The following PRKCZ variants were observed in gnomAD, a reference collection of about 807,000 sequenced individuals.
PRKCZ encodes the protein protein kinase C zeta.
Under a neutral mutation model 79.5 loss-of-function variants are expected in PRKCZ, and 33 were observed. The observed-to-expected ratio is 0.41, with a 90% CI of 0.31 to 0.55. The LOEUF (loss-of-function observed/expected upper bound fraction) is 0.55. Ranked by LOEUF, PRKCZ falls within the 20% of genes least tolerant of loss-of-function variation. The pLI is 0.19. For synonymous variants in PRKCZ, 342 were observed against 320.9 expected (o/e 1.07, Z -0.70); for missense variants, 578 against 813.5 (o/e 0.71, Z 3.52).
intron 4 of PRKCZ, among the ~76,000 whole-genome samples, chr1:2,090,043 G>T (rs1665221395): frequency 6.6e-6 from 1 of 152,086 alleles, no homozygotes; most frequent in African/African-American, 2.4e-5. Flanking sequence ...TCTTCACCCG[G>T]GCCCTTCCTC....
At position 2,082,347 on chromosome 1, in the gene PRKCZ, A is replaced by G. The variant is rs1663700489; in HGVS notation, c.334+22756A>G. ...TGGACTTGGCAAATCACCTCTTTCA[A>G]GTTGCCGGCTACCCGGCTGCCGTAG... On this transcript the variant is annotated intron_variant, in intron 4 of 17. Transcript: ENST00000378567. The surrounding 1 kb of genome is among the most constrained non-coding windows in gnomAD (Gnocchi z 4.4). 2 of 455,834 alleles carry G rather than the reference A, an allele frequency of 4.4e-6. No homozygotes were observed. Among genetic ancestry groups the G allele is most frequent in the Non-Finnish European group, 8.8e-6 (2 of 226,756 alleles). 28.2% of individuals were successfully genotyped at this position (455,834 alleles called of 1,614,324 possible). A position where few individuals can be genotyped will look rare whatever the true frequency, so the allele number is the denominator to read the frequency against.
chr1:2,145,542 A>G (rs1318893583), intron 6 of PRKCZ: 1 of 154,322 alleles, frequency 6.5e-6, no homozygotes, highest in Non-Finnish European at 1.4e-5. Context: ...CTAATTCAGT[A>G]AAATAGCATA....
At chr1:2,131,940 T>A (rs1675048734) in intron 4 of PRKCZ, among the ~76,000 whole-genome samples, 1 of 152,162 alleles carries the variant, frequency 6.6e-6, no homozygotes, top group South Asian at 2.1e-4. Context: ...GCCTCCCAAG[T>A]AGTTGGGACT....
In PRKCZ at chr1:2,052,708, G is replaced by A. The variant is rs529703115; in HGVS notation, c.71+2007G>A. 7.2e-5 allele frequency among the ~76,000 whole-genome samples: 11 copies of A among 152,270 alleles called. No individual in the cohort carries two copies. In the South Asian group the frequency reaches 2.1e-3, roughly 29 times the overall value. The stretch of plus-strand genomic sequence containing the variant: ...GACTGGCTGTGGGGTGGGACACTCA[G>A]GCCTTAGGGCAATGACACAGTTCCA... On this transcript the variant is annotated intron_variant, in intron 1 of 17. Transcript: ENST00000378567.
intron 10 of PRKCZ, among the ~76,000 whole-genome samples, chr1:2,164,439 T>TC (rs1682935238): frequency 6.6e-6 from 1 of 152,192 alleles, no homozygotes; most frequent in South Asian, 2.1e-4. Context: ...GGCTGCACAG[T>TC]CCATGTTGGG....
intron 11 of PRKCZ, chr1:2,171,726 C>T: frequency 3.3e-6 from 1 of 303,800 alleles, no homozygotes; most frequent in South Asian, 4.3e-5. Flanking sequence ...CGCTGTTCTG[C>T]ACTCCTACCA....
chr1:2,074,083 C>T (rs747369755), intron 4 of PRKCZ: 182 of 1,490,096 alleles, frequency 1.2e-4, no homozygotes, highest in Non-Finnish European at 1.5e-4. Context: ...ACAGATGCTC[C>T]GGGCAGCAAC....
At chr1:2,181,342 C>T (rs1392237261) in intron 16 of PRKCZ, among the ~76,000 whole-genome samples, 1 of 152,206 alleles carries the variant, frequency 6.6e-6, no homozygotes, top group Non-Finnish European at 1.5e-5. Flanking sequence ...GCCCTTGGGC[C>T]CCCAGCCCCA....
At chr1:2,155,133 CGATGATGGT>C (rs1277295439) in intron 9 of PRKCZ, among the ~76,000 whole-genome samples, 66 of 151,634 alleles carry the variant, frequency 4.4e-4, no homozygotes, top group African/African-American at 5.1e-4. Context: ...ATGATGGTGA[CGATGATGGT>C]GATGATGGTG....
At chr1:2,170,083 G>A (rs1274710408) in intron 11 of PRKCZ, among the ~76,000 whole-genome samples, 2 of 152,140 alleles carry the variant, frequency 1.3e-5, no homozygotes, top group Non-Finnish European at 2.9e-5. Flanking sequence ...TCTTCATGGT[G>A]GCTCTGCCCT....
At chr1:2,102,672 A>G (rs988887141) in intron 4 of PRKCZ, among the ~76,000 whole-genome samples, 9 of 151,918 alleles carry the variant, frequency 5.9e-5, no homozygotes, top group African/African-American at 1.9e-4. Context: ...GTAATGATAG[A>G]TTTCTAGAAA....
rs2803305 is a variant in PRKCZ at position 2,075,464 on chromosome 1, G to A, written c.334+15873G>A. On this transcript the variant is annotated intron_variant, in intron 4 of 17. Coordinates refer to ENST00000378567, the MANE Select transcript of PRKCZ (RefSeq NM_002744.6). The surrounding 1 kb of genome is among the most constrained non-coding windows in gnomAD (Gnocchi z 4.8). ...GTTTCGTGTTGATGCTGCCGGGGCC[G>A]GCTGTGGTACCTGTGTCTGTGTCTC... 13,697 of 152,238 alleles carry A rather than the reference G, an allele frequency of 0.09. 2,051 individuals are homozygous for A. The highest frequency in any genetic ancestry group is 0.31 in the African/African-American group (12,743 of 41,462). 9.4% of individuals were successfully genotyped at this position (152,238 alleles called of 1,614,324 possible).
At chr1:2,162,010 C>T (rs1010695218) in intron 10 of PRKCZ, among the ~76,000 whole-genome samples, 1 of 152,128 alleles carries the variant, frequency 6.6e-6, no homozygotes, top group Non-Finnish European at 1.5e-5. Context: ...CTCCAAAGAC[C>T]CTTGACTAAC....
At chr1:2,054,708 G>T (rs920603492) in intron 1 of PRKCZ, among the ~76,000 whole-genome samples, 41 of 152,286 alleles carry the variant, frequency 2.7e-4, no homozygotes, top group African/African-American at 9.6e-4. Context: ...GTCGAGGTCT[G>T]GGGGCAGGTC....
At chr1:2,147,942 C>G (rs578193909) in intron 7 of PRKCZ, among the ~76,000 whole-genome samples, 29 of 151,452 alleles carry the variant, frequency 1.9e-4, no homozygotes, top group African/African-American at 6.6e-4. Flanking sequence ...GTCTATCCAT[C>G]TATCTATTGT....
intron 8 of PRKCZ, among the ~76,000 whole-genome samples, chr1:2,150,329 T>C (rs1679629285): frequency 6.6e-6 from 1 of 152,192 alleles, no homozygotes; most frequent in South Asian, 2.1e-4. Context: ...AATAATTATT[T>C]CTAATAATGT....
intron 10 of PRKCZ, among the ~76,000 whole-genome samples, chr1:2,157,597 T>C (rs564094426): frequency 7.2e-4 from 109 of 152,106 alleles, no homozygotes; most frequent in African/African-American, 2.4e-3. Context: ...TTTGTATTTT[T>C]AGTACTCTGT....
intron 4 of PRKCZ, among the ~76,000 whole-genome samples, chr1:2,083,908 A>G (rs1386699265): frequency 1.3e-5 from 2 of 152,212 alleles, no homozygotes; most frequent in Non-Finnish European, 2.9e-5. Context: ...TTGCGCTCGA[A>G]TAGGTTTCTT....
chr1:2,082,407 T>C lies in PRKCZ; in HGVS notation c.334+22816T>C, dbSNP rs755658033. 2 of 456,208 alleles carry C rather than the reference T, an allele frequency of 4.4e-6. No homozygotes were observed. Among genetic ancestry groups the C allele is most frequent in the Non-Finnish European group, 8.8e-6 (2 of 226,970 alleles). The allele number at this position is 456,208 out of a possible 1,614,324, so 28.3% of individuals were successfully genotyped here. A position where few individuals can be genotyped will look rare whatever the true frequency, so the allele number is the denominator to read the frequency against. Reference sequence around the variant, plus strand: ...AGTCTGGTAGTTTGTGTTTATTTATTTATCTTGGCCAGCAGAGAGAATTGA... The same window carrying C: ...AGTCTGGTAGTTTGTGTTTATTTATCTATCTTGGCCAGCAGAGAGAATTGA... On this transcript the variant is annotated intron_variant, in intron 4 of 17. Transcript: ENST00000378567. The surrounding 1 kb of genome is among the most constrained non-coding windows in gnomAD (Gnocchi z 4.4).
Sources: allele counts gnomAD v4.1 joint callset (sites outside exome capture counted in the v4.1 genomes callset), GRCh38; gene constraint gnomAD v4.1.1; non-coding constraint Gnocchi (gnomAD v3.1); transcripts MANE v1.5; gene names NCBI Gene and HGNC (gene_info 2026-07-23, HGNC 2026-07-21).